The following ATP11C variants were observed in gnomAD, a reference collection of about 807,000 sequenced individuals.
The protein encoded by ATP11C is ATPase phospholipid transporting 11C (ATP11C blood group), also known as phospholipid-transporting ATPase IG.
In ATP11C, 36 loss-of-function variants were observed where a neutral mutation model predicts 97.4. The ratio of observed to expected loss-of-function variants is 0.37; its 90% confidence interval spans 0.28 to 0.49. The LOEUF (loss-of-function observed/expected upper bound fraction) is 0.49, where lower values mean the gene tolerates loss of function less well. ATP11C is among the 20% of genes least tolerant of loss of function. ATP11C has a pLI of 0.98. For synonymous variants in ATP11C, 275 were observed against 290.9 expected, an observed-to-expected ratio of 0.95 and a Z score of 0.56; for missense variants, 730 against 824.6, an observed-to-expected ratio of 0.89 and a Z score of 1.40.
chrX:139,732,213 A>G (rs2081359329), intron 28 of ATP11C, among the ~76,000 whole-genome samples: 1 of 111,333 alleles, frequency 9.0e-6, no homozygotes. Flanking sequence ...CCGTGGATCA[A>G]TGAAGACTAC....
At chrX:139,854,597 G>A (rs1354071003) in intron 1 of ATP11C, among the ~76,000 whole-genome samples, 1 of 111,205 alleles carries the variant, frequency 9.0e-6, no homozygotes, top group Non-Finnish European at 1.9e-5. Flanking sequence ...TGTGAAAGCC[G>A]TGAAAGAAAA....
chrX:139,817,654 G>C (rs1313396019), intron 3 of ATP11C, among the ~76,000 whole-genome samples: 1 of 112,387 alleles, frequency 8.9e-6, no homozygotes, highest in Non-Finnish European at 1.9e-5. Flanking sequence ...AATTAGAAGG[G>C]AACAAGAGTG....
At chrX:139,860,571 A>G (rs1226944230) in intron 1 of ATP11C, among the ~76,000 whole-genome samples, 1 of 111,942 alleles carries the variant, frequency 8.9e-6, no homozygotes, top group African/African-American at 3.2e-5. Flanking sequence ...TAATCCCAGC[A>G]CTTTGGGAGG....
At chrX:139,763,895 TAGTTCTATGCATA>T (rs2082085325) in intron 20 of ATP11C, among the ~76,000 whole-genome samples, 2 of 112,038 alleles carry the variant, frequency 1.8e-5, no homozygotes, top group East Asian at 5.6e-4. Flanking sequence ...CCACTTGTCC[TAGTTCTATGCATA>T]TATGAACTAT....
intron 1 of ATP11C, among the ~76,000 whole-genome samples, chrX:139,904,664 G>A (rs112588420): frequency 0.011 from 1,236 of 111,976 alleles, 18 homozygotes; most frequent in African/African-American, 0.038. Flanking sequence ...ATGAGGCCCT[G>A]TAAGATTGGG....
At position 139,797,252 on chromosome X, in the gene ATP11C, T is replaced by C. The variant is rs2148754691; in HGVS notation, c.932A>G (p.Tyr311Cys). Residue 311 changes from tyrosine (Y) to cysteine (C), a missense_variant, in exon 11 of 30, where the codon TAT (tyrosine) becomes TGT (cysteine). Transcript: ENST00000682941. ...TKAAVCTTLK[Y>C]VWQSTPYNDE... Reference sequence around the variant, plus strand: ...ATTGTATGGGGTACTTTGCCAAACATACTTTAGAGTAGTGCATACTGCAGC... The same window carrying C: ...ATTGTATGGGGTACTTTGCCAAACACACTTTAGAGTAGTGCATACTGCAGC... 2 of 1,194,837 alleles carry C rather than the reference T, an allele frequency of 1.7e-6. No homozygotes were observed. Among genetic ancestry groups the C allele is most frequent in the Non-Finnish European group, 2.3e-6 (2 of 882,268 alleles).
chrX:139,775,266 T>C (rs1216241021), intron 18 of ATP11C, among the ~76,000 whole-genome samples: 3 of 112,418 alleles, frequency 2.7e-5, no homozygotes, highest in Non-Finnish European at 5.6e-5. Flanking sequence ...TCAATGTCAC[T>C]TTAGCATGTT....
chrX:139,796,993 CTTTG>C (rs1293549783), intron 11 of ATP11C, among the ~76,000 whole-genome samples, 179 bp downstream of exon 11: 17 of 110,003 alleles, frequency 1.5e-4, no homozygotes, highest in South Asian at 3.9e-4. Flanking sequence ...ACAAAAAAAA[CTTTG>C]TTTTTCTTTT....
At chrX:139,887,052 G>C (rs2084654296) in intron 1 of ATP11C, among the ~76,000 whole-genome samples, 1 of 111,675 alleles carries the variant, frequency 9.0e-6, no homozygotes. Context: ...CACATATATG[G>C]TCAATTAATT....
intron 1 of ATP11C, among the ~76,000 whole-genome samples, chrX:139,910,823 T>TA (rs202163880): frequency 0.021 from 2,196 of 102,641 alleles, 29 homozygotes; most frequent in South Asian, 0.067. Flanking sequence ...AGATACATGA[T>TA]AAAAAAAAAA....
intron 25 of ATP11C, among the ~76,000 whole-genome samples, chrX:139,745,507 T>C (rs1165292793): frequency 8.9e-6 from 1 of 112,125 alleles, no homozygotes; most frequent in African/African-American, 3.2e-5. Context: ...TCCAGAAAGT[T>C]TGCACATAAG....
At chrX:139,775,748 C>T (rs1310452768) in intron 18 of ATP11C, among the ~76,000 whole-genome samples, 2 of 112,795 alleles carry the variant, frequency 1.8e-5, no homozygotes, top group Non-Finnish European at 3.8e-5. Context: ...ATAGGAGCTT[C>T]CCAGGGACAG....
rs989233720 is a variant in ATP11C, at chrX:139,895,627, A to G, written c.27+36389T>C. Among the ~76,000 whole-genome samples, 21 of 111,624 alleles carry G rather than the reference A, an allele frequency of 1.9e-4. No homozygotes were observed. In the Admixed American group the frequency reaches 2.0e-3, roughly 11 times the overall value. On this transcript the variant is annotated intron_variant, in intron 1 of 29. Coordinates refer to ENST00000682941, the MANE Select transcript of ATP11C (RefSeq NM_001353812.2). The stretch of plus-strand genomic sequence containing the variant: ...ATAGTAGATGTGTCTAAACATAGTG[A>G]GATATTTTCATACATTCATGTGTAA...
chrX:139,774,046 C>T (rs1248980127), intron 19 of ATP11C, among the ~76,000 whole-genome samples: 2 of 112,535 alleles, frequency 1.8e-5, no homozygotes, highest in Non-Finnish European at 3.8e-5. Flanking sequence ...AATCAATTTG[C>T]TTATGGCCAA....
intron 23 of ATP11C, among the ~76,000 whole-genome samples, chrX:139,752,013 C>G (rs1396761713): frequency 9.0e-6 from 1 of 111,439 alleles, no homozygotes; most frequent in Non-Finnish European, 1.9e-5. Context: ...AAACCAAAAT[C>G]AAAAATAAAG....
intron 18 of ATP11C, among the ~76,000 whole-genome samples, chrX:139,777,568 A>G (rs919480229): frequency 7.2e-5 from 8 of 111,405 alleles, no homozygotes; most frequent in Non-Finnish European, 1.3e-4. Context: ...CTGAGAGAAA[A>G]GAAGAAAAAA....
chrX:139,825,001 A>G (rs1476898336), intron 2 of ATP11C, among the ~76,000 whole-genome samples: 1 of 111,958 alleles, frequency 8.9e-6, no homozygotes, highest in African/African-American at 3.3e-5. Flanking sequence ...TCAAATTATG[A>G]AATTGTTGGT....
At chrX:139,855,693 T>A (rs2084079534) in intron 1 of ATP11C, among the ~76,000 whole-genome samples, 1 of 112,380 alleles carries the variant, frequency 8.9e-6, no homozygotes, top group Admixed American at 9.4e-5. Flanking sequence ...TGCCTCAAAC[T>A]ATTGCATTTA....
intron 2 of ATP11C, among the ~76,000 whole-genome samples, chrX:139,820,136 AGAT>A (rs1409136900): frequency 9.1e-6 from 1 of 110,226 alleles, no homozygotes; most frequent in Non-Finnish European, 1.9e-5. Context: ...CAGTCAGCCA[AGAT>A]CTCACTACTG....
Sources: gnomAD v4.1 joint callset for allele counts (sites outside exome capture counted in the v4.1 genomes callset) on GRCh38, gnomAD v4.1.1 for gene constraint, MANE v1.5 for transcripts, NCBI Gene and HGNC (gene_info 2026-07-23, HGNC 2026-07-21) for gene names.